The following NAV3 variants were observed in gnomAD, a reference collection of about 807,000 sequenced individuals.
The protein encoded by NAV3 is neuron navigator 3, also known as pore membrane and/or filament interacting like protein 1.
A neutral mutation model predicts 244.7 loss-of-function variants in NAV3; 87 were observed. That is an observed-to-expected ratio of 0.36 (90% CI 0.30 to 0.42). The LOEUF is 0.42. Ranked by LOEUF, NAV3 falls within the 20% of genes least tolerant of loss-of-function variation. NAV3 has a pLI of 1.00. For synonymous variants in NAV3, 1,126 were observed against 1,042.2 expected (o/e 1.08, Z -1.55); for missense variants, 2,663 against 2,893.3 (o/e 0.92, Z 1.83).
At chr12:78,087,523 T>G (rs1953700901) in intron 12 of NAV3, among the ~76,000 whole-genome samples, 2 of 151,958 alleles carry the variant, frequency 1.3e-5, no homozygotes, top group African/African-American at 4.8e-5. Context: ...GGTCGTAACC[T>G]GAGTGGGATT....
chr12:77,947,150 A>G (rs1890428264), intron 3 of NAV3, among the ~76,000 whole-genome samples: 1 of 152,062 alleles, frequency 6.6e-6, no homozygotes, highest in Admixed American at 6.6e-5. Context: ...AGTAGCTGGA[A>G]AATTAGATTT....
chr12:77,810,900 A>G (rs1254119285), intron 2 of NAV3, among the ~76,000 whole-genome samples: 1 of 152,226 alleles, frequency 6.6e-6, no homozygotes, highest in African/African-American at 2.4e-5. Context: ...ATGCAAAAAT[A>G]CTTGCTTATT....
intron 30 of NAV3, among the ~76,000 whole-genome samples, chr12:78,181,842 A>G (rs1465695292): frequency 6.6e-6 from 1 of 152,036 alleles, no homozygotes; most frequent in Non-Finnish European, 1.5e-5. Context: ...ATCATATTAA[A>G]ATACAGAAGG....
intron 12 of NAV3, 121 bp downstream of exon 12, chr12:78,059,236 T>C: frequency 1.1e-6 from 1 of 899,734 alleles, no homozygotes; most frequent in Non-Finnish European, 1.6e-6. Context: ...GATAAATAAT[T>C]ATTTTATTTT....
intron 3 of NAV3, among the ~76,000 whole-genome samples, chr12:77,964,155 GA>G (rs1227394103): frequency 6.6e-6 from 1 of 151,808 alleles, no homozygotes; most frequent in African/African-American, 2.4e-5. Flanking sequence ...ACTCAATTTA[GA>G]AATCAGTTTA....
At position 77,831,279 on chromosome 12, in the gene NAV3, A is replaced by G; in HGVS notation, c.-183A>G. ...TCCCAGCCAGCAAGAAAGAAAAGATACTTAACTAAAGATGCAGGGAAGTTT... is the reference window on the plus strand; with the variant it reads ...TCCCAGCCAGCAAGAAAGAAAAGATGCTTAACTAAAGATGCAGGGAAGTTT... On this transcript the variant is annotated 5_prime_UTR_variant, in exon 1 of 40. In the 5' UTR this introduces an upstream ATG that the reference lacks. Transcript: ENST00000397909. 2 of 550,822 alleles carry G rather than the reference A, an allele frequency of 3.6e-6. No homozygotes were observed. The highest frequency in any genetic ancestry group is 1.9e-5 in the African/African-American group (1 of 51,592). 34.1% of individuals were successfully genotyped at this position (550,822 alleles called of 1,614,324 possible).
At chr12:78,057,789 T>C (rs1883726821) in intron 11 of NAV3, among the ~76,000 whole-genome samples, 1 of 152,202 alleles carries the variant, frequency 6.6e-6, no homozygotes, top group South Asian at 2.1e-4. Context: ...GTAGCAGCAC[T>C]GTAGTTGAAC....
At position 77,593,069 on chromosome 12, in the gene NAV3, C is replaced by CT. The variant is rs368039472; in HGVS notation, c.72+20809dup. On this transcript the variant is annotated intron_variant, in intron 2 of 8. Transcript: ENST00000550042. ...GTGCTGTGCCACGCAAACAACCCTGCTTTTTTCCAGCCTGTAACGAGCATA... is the reference window on the plus strand; with the variant it reads ...GTGCTGTGCCACGCAAACAACCCTGCTTTTTTTCCAGCCTGTAACGAGCATA... Among the ~76,000 whole-genome samples the CT allele has an allele frequency of 9.9e-5, 15 of 152,186 alleles. 1 individual carries two copies. In the South Asian group the frequency reaches 3.1e-3, roughly 32 times the overall value.
At chr12:77,582,930 T>C (rs1363564149) in intron 2 of NAV3, among the ~76,000 whole-genome samples, 1 of 152,234 alleles carries the variant, frequency 6.6e-6, no homozygotes, top group Non-Finnish European at 1.5e-5. Flanking sequence ...AAGTGCCTAA[T>C]TTACAGCACT....
intron 2 of NAV3, among the ~76,000 whole-genome samples, chr12:77,605,577 T>A (rs906954003): frequency 5.9e-5 from 9 of 152,156 alleles, no homozygotes; most frequent in African/African-American, 2.2e-4. Context: ...TAACTTGTAT[T>A]GAGAATTCTT....
chr12:78,185,266 G>A (rs899431996), intron 30 of NAV3, among the ~76,000 whole-genome samples: 4 of 151,800 alleles, frequency 2.6e-5, no homozygotes, highest in Admixed American at 1.3e-4. Context: ...CTGTCAGTTT[G>A]TCATGGTTAT....
At chr12:77,635,937 C>G (rs1872133728) in intron 2 of NAV3, among the ~76,000 whole-genome samples, 1 of 152,110 alleles carries the variant, frequency 6.6e-6, no homozygotes, top group Non-Finnish European at 1.5e-5. Flanking sequence ...GCCTCTTACT[C>G]TCCATATTAT....
At chr12:78,113,352 T>G (rs1289814256) in intron 12 of NAV3, among the ~76,000 whole-genome samples, 1 of 152,224 alleles carries the variant, frequency 6.6e-6, no homozygotes, top group Non-Finnish European at 1.5e-5. Context: ...CCTTCCACAC[T>G]GCCCTAGCAG....
intron 5 of NAV3, among the ~76,000 whole-genome samples, chr12:77,969,130 A>G (rs547932628): frequency 1.4e-5 from 2 of 144,560 alleles, no homozygotes; most frequent in South Asian, 2.4e-4. Flanking sequence ...GTTTGGGAAC[A>G]TAGTGTTTTT....
chr12:77,988,754 T>C (rs1870967224), intron 5 of NAV3, among the ~76,000 whole-genome samples: 1 of 152,164 alleles, frequency 6.6e-6, no homozygotes, highest in African/African-American at 2.4e-5. Flanking sequence ...TGACTCAGTT[T>C]ATTTTCCCCC....
chr12:78,135,395 C>A (rs924240517), intron 18 of NAV3, among the ~76,000 whole-genome samples: 1 of 152,090 alleles, frequency 6.6e-6, no homozygotes, highest in Non-Finnish European at 1.5e-5. Flanking sequence ...GCAAACTATT[C>A]CCTTTAAAAT....
chr12:78,197,657 A>T lies in NAV3; in HGVS notation c.6446+256A>T, dbSNP rs545436233. Reference sequence around the variant, plus strand: ...TATTTTTAGACTTACAATGGCTGTCATTAATTTGAGAAACCCTCTTTAATA... The same window carrying T: ...TATTTTTAGACTTACAATGGCTGTCTTTAATTTGAGAAACCCTCTTTAATA... On this transcript the variant is annotated intron_variant, in intron 35 of 39. Transcript: ENST00000397909. 3.6e-4 allele frequency among the ~76,000 whole-genome samples: 55 copies of T among 152,016 alleles called. 1 individual carries two copies. The highest frequency in any genetic ancestry group is 1.3e-3 in the African/African-American group (54 of 41,544).
chr12:77,685,506 C>CACACACACATAT (rs34407806), intron 2 of NAV3, among the ~76,000 whole-genome samples: 1 of 150,606 alleles, frequency 6.6e-6, no homozygotes, highest in Non-Finnish European at 1.5e-5. Flanking sequence ...CACACACACA[C>CACACACACATAT]ATACCCACAC....
At chr12:78,029,120 A>T (rs1878551922) in intron 9 of NAV3, among the ~76,000 whole-genome samples, 1 of 151,498 alleles carries the variant, frequency 6.6e-6, no homozygotes, top group African/African-American at 2.4e-5. Context: ...CCAGGTGGTG[A>T]CTTTGAAGGA....
Sources: allele counts gnomAD v4.1 joint callset (sites outside exome capture counted in the v4.1 genomes callset), GRCh38; gene constraint gnomAD v4.1.1; transcripts MANE v1.5; gene names NCBI Gene and HGNC (gene_info 2026-07-23, HGNC 2026-07-21).